SLC9A6: variants seen among roughly 807,000 people sequenced by gnomAD.
SLC9A6 encodes the protein sodium/hydrogen exchanger 6.
In SLC9A6, 6 loss-of-function variants were observed where a neutral mutation model predicts 45.3. The observed-to-expected ratio is 0.13, with a 90% CI of 0.07 to 0.26. The LOEUF (loss-of-function observed/expected upper bound fraction) is 0.26. Ranked by LOEUF, SLC9A6 falls within the 10% of genes least tolerant of loss-of-function variation. The pLI, the probability that SLC9A6 is intolerant of heterozygous loss-of-function variation, is 1.00. For missense variants in SLC9A6, 278 were observed against 503.7 expected, an observed-to-expected ratio of 0.55 and a Z score of 4.29; for synonymous variants, 191 against 187.7, an observed-to-expected ratio of 1.02 and a Z score of -0.14.
intron 2 of SLC9A6, among the ~76,000 whole-genome samples, chrX:135,988,232 A>G (rs782536652): frequency 2.2e-4 from 25 of 111,917 alleles, no homozygotes; most frequent in Non-Finnish European, 3.8e-4. Context: ...AAACAAGGGT[A>G]TCTCTTGTGG....
intron 10 of SLC9A6, among the ~76,000 whole-genome samples, chrX:136,013,870 C>G (rs1180218333): frequency 1.8e-5 from 2 of 112,138 alleles, no homozygotes; most frequent in African/African-American, 6.5e-5. Flanking sequence ...CCTTCTAAGA[C>G]ATGACATAGG....
At position 135,998,844 on chromosome X, in the gene SLC9A6, T is replaced by C; in HGVS notation, c.525-12T>C. On this transcript the variant is annotated splice_polypyrimidine_tract_variant and intron_variant, in intron 5 of 17. Transcript: ENST00000630721. ...TATTTTTTTCTAAAGTAGGACTGTG[T>C]TTATTGAACAGGTCAATAATGTATG... is the stretch of plus-strand genomic sequence containing the variant. The C allele has an allele frequency of 1.2e-5, 13 of 1,129,433 alleles. No individual in the cohort carries two copies. The highest frequency in any genetic ancestry group is 1.6e-5 in the Non-Finnish European group (13 of 820,195). 93.1% of individuals were successfully genotyped at this position (1,129,433 alleles called of 1,213,427 possible).
chrX:135,991,709 T>C (rs1008886099), intron 2 of SLC9A6, among the ~76,000 whole-genome samples: 1 of 111,515 alleles, frequency 9.0e-6, no homozygotes, highest in African/African-American at 3.3e-5. Context: ...ATGCCTGCCT[T>C]ACTCGACTTT....
At chrX:135,985,389 C>T (rs2089313875), upstream of SLC9A6, 3 of 450,109 alleles carry the variant, frequency 6.7e-6, no homozygotes, top group East Asian at 4.8e-5. Context: ...GCGGCGGCGG[C>T]GGCGCGCGCT....
intron 3 of SLC9A6, among the ~76,000 whole-genome samples, chrX:135,997,447 G>A (rs782578575): frequency 2.6e-5 from 2 of 77,218 alleles, no homozygotes; most frequent in African/African-American, 5.5e-5. Context: ...TCACTCTTTC[G>A]CCCAGGCTGG....
chrX:135,988,530 C>T (rs868970422), intron 2 of SLC9A6, among the ~76,000 whole-genome samples: 4 of 90,574 alleles, frequency 4.4e-5, no homozygotes, highest in African/African-American at 1.2e-4. Context: ...CTTTCTTTCT[C>T]TCTCTTTCTT....
At chrX:136,022,725 A>C (rs923490189) in intron 12 of SLC9A6, 28 bp downstream of exon 12, 6 of 954,049 alleles carry the variant, frequency 6.3e-6, no homozygotes, top group Non-Finnish European at 9.0e-6. Context: ...TCTCTTGCCC[A>C]CTTCAAGCAA....
chrX:135,988,620 A>G (rs908660270), intron 2 of SLC9A6, among the ~76,000 whole-genome samples: 4 of 104,946 alleles, frequency 3.8e-5, no homozygotes, highest in Non-Finnish European at 7.8e-5. Context: ...TTTATTTTTG[A>G]TAGAGTGTTG....
chrX:136,042,717 G>A (rs2071535875), intron 17 of SLC9A6, among the ~76,000 whole-genome samples: 1 of 110,799 alleles, frequency 9.0e-6, no homozygotes, highest in South Asian at 3.9e-4. Context: ...ACACAAATGG[G>A]ATTATAATAG....
chrX:135,993,461 A>T (rs191875098), intron 2 of SLC9A6, among the ~76,000 whole-genome samples: 8 of 112,220 alleles, frequency 7.1e-5, no homozygotes, highest in African/African-American at 1.9e-4. Context: ...ATATCAGTAA[A>T]GCCATTACTA....
chrX:135,981,177 C>T (rs2089283945), upstream of SLC9A6, among the ~76,000 whole-genome samples: 1 of 111,683 alleles, frequency 9.0e-6, no homozygotes, highest in Admixed American at 9.5e-5. Flanking sequence ...GTTCTGCAGG[C>T]TGTACAGGAA....
intron 2 of SLC9A6, among the ~76,000 whole-genome samples, chrX:135,993,955 G>T (rs2089466128): frequency 9.0e-6 from 1 of 111,579 alleles, no homozygotes; most frequent in African/African-American, 3.3e-5. Context: ...TGATCTTTTA[G>T]AAGTAGAAGA....
chrX:136,026,609 C>T (rs971909952), intron 13 of SLC9A6, among the ~76,000 whole-genome samples: 2 of 109,276 alleles, frequency 1.8e-5, no homozygotes, highest in African/African-American at 3.3e-5. Flanking sequence ...AATCTCAGCT[C>T]GTTGCAACCT....
At chrX:135,980,909 T>A (rs926959707), upstream of SLC9A6, among the ~76,000 whole-genome samples, 5 of 112,035 alleles carry the variant, frequency 4.5e-5, no homozygotes, top group African/African-American at 1.6e-4. Context: ...CTGTTTTGGT[T>A]AGGCCTTATG....
chrX:135,996,985 C>G (rs1333967196), intron 3 of SLC9A6, among the ~76,000 whole-genome samples: 1 of 110,978 alleles, frequency 9.0e-6, no homozygotes, highest in African/African-American at 3.3e-5. Context: ...CCAGGATGGT[C>G]TCGATCTCCT....
intron 6 of SLC9A6, among the ~76,000 whole-genome samples, chrX:136,001,641 A>T (rs1301756294): frequency 8.9e-6 from 1 of 112,079 alleles, no homozygotes; most frequent in Non-Finnish European, 1.9e-5. Context: ...TTCATTTCCT[A>T]CTGTCTTTGC....
chrX:136,028,086 T>C (rs781883761), intron 13 of SLC9A6, among the ~76,000 whole-genome samples: 2 of 112,616 alleles, frequency 1.8e-5, no homozygotes, highest in South Asian at 7.4e-4. Flanking sequence ...ACCACTCTTA[T>C]GTTGGTGCAA....
intron 2 of SLC9A6, among the ~76,000 whole-genome samples, chrX:135,993,496 T>C (rs1423968811): frequency 8.9e-6 from 1 of 112,030 alleles, no homozygotes; most frequent in Non-Finnish European, 1.9e-5. Flanking sequence ...ATCAATATAG[T>C]TTTATAGGGC....
At chrX:136,002,809 C>T (rs894165241) in intron 7 of SLC9A6, among the ~76,000 whole-genome samples, 17 of 110,950 alleles carry the variant, frequency 1.5e-4, no homozygotes, top group African/African-American at 2.0e-4. Context: ...CCACCTACCT[C>T]GATTTCCCAA....
Sources: gnomAD v4.1 joint callset for allele counts (sites outside exome capture counted in the v4.1 genomes callset) on GRCh38, gnomAD v4.1.1 for gene constraint, MANE v1.5 for transcripts, NCBI Gene and HGNC (gene_info 2026-07-23, HGNC 2026-07-21) for gene names.